The following PRR19 variants were observed in gnomAD, a reference collection of about 807,000 sequenced individuals.
The protein encoded by PRR19 is proline-rich protein 19.
Under a neutral mutation model 19.2 loss-of-function variants are expected in PRR19, and 9 were observed. That is an observed-to-expected ratio of 0.47 (90% CI 0.28 to 0.82). The LOEUF (loss-of-function observed/expected upper bound fraction) is 0.82. Among genes scored for constraint, PRR19 ranks in the 40% least tolerant of loss-of-function variants. The pLI is 0.11. For missense variants in PRR19, 457 were observed against 466.0 expected (o/e 0.98, Z 0.18); for synonymous variants, 190 against 191.0 (o/e 0.99, Z 0.04).
intron 1 of PRR19, chr19:42,307,073 G>A (rs2147396348): frequency 6.6e-6 from 1 of 152,358 alleles, no homozygotes; most frequent in South Asian, 2.1e-4. Context: ...GGGCGAGAGA[G>A]GTGCCCTTCC....
intron 1 of PRR19, among the ~76,000 whole-genome samples, chr19:42,305,209 AAAAAGAAAAGGAAAG>A (rs1393804244): frequency 1.3e-5 from 2 of 152,014 alleles, no homozygotes; most frequent in Non-Finnish European, 2.9e-5. Context: ...ATTCCATCTC[AAAAAGAAAAGGAAAG>A]AAAAGAAAAG....
At position 42,309,762 on chromosome 19, in the gene PRR19, A is replaced by G. The variant is rs2038762283; in HGVS notation, c.178A>G (p.Lys60Glu). The G allele has an allele frequency of 6.2e-7, 1 of 1,610,744 alleles. No individual in the cohort carries two copies. The highest frequency in any genetic ancestry group is 2.2e-5 in the East Asian group (1 of 44,758). Residue 60 changes from lysine to glutamate, a missense_variant, in exon 2 of 3, where the codon AAG becomes GAG. Coordinates refer to ENST00000341747, the MANE Select transcript of PRR19 (RefSeq NM_199285.3). ...RDPPVVPTAS[K>E]LVVITQGRLS... is the part of the protein sequence containing the mutation. ...TCCACCTGTGGTCCCTACTGCCTCC[A>G]AGCTCGTGGTCATAACCCAGGGCCG...
chr19:42,304,470 AG>A (rs1299177995), intron 1 of PRR19, among the ~76,000 whole-genome samples: 1 of 147,858 alleles, frequency 6.8e-6, no homozygotes, highest in Non-Finnish European at 1.5e-5. Context: ...AAAAAAAAAA[AG>A]GCTGGGCGCG....
At chr19:42,309,409 A>G (rs2038755820) in intron 1 of PRR19, 170 bp from the exon 2 acceptor site, 2 of 522,374 alleles carry the variant, frequency 3.8e-6, no homozygotes, top group Admixed American at 3.0e-5. Context: ...GCATTTTGCC[A>G]TGTTGGCTAG....
intron 1 of PRR19, 50 bp downstream of exon 1, chr19:42,302,553 GCTCGCCCGGCGCTT>G: frequency 2.2e-6 from 1 of 464,104 alleles, no homozygotes. Flanking sequence ...CGCACAGTGG[GCTCGCCCGGCGCTT>G]CCCGCTCGGG....
chr19:42,308,931 G>A (rs1302056307), intron 1 of PRR19: 1 of 152,516 alleles, frequency 6.6e-6, no homozygotes, highest in East Asian at 1.9e-4. Flanking sequence ...TTGTTTTTGA[G>A]ATGGAGTCTC....
At chr19:42,303,282 A>G (rs1294422162) in intron 1 of PRR19, among the ~76,000 whole-genome samples, 8 of 152,020 alleles carry the variant, frequency 5.3e-5, no homozygotes, top group African/African-American at 1.9e-4. Flanking sequence ...GAAATTAGAG[A>G]CGCCTCCAGG....
rs995073737 is a variant in PRR19 at position 42,302,141 on chromosome 19, A to G, written c.-369A>G. The stretch of plus-strand genomic sequence containing the variant: ...CTCCTCAACTGCCCTCAGTTTCCCA[A>G]TCAGGTAGTGAGAGTGGCACGAACC... On this transcript the variant is annotated 5_prime_UTR_variant, in exon 1 of 3. Coordinates refer to ENST00000341747, the MANE Select transcript of PRR19 (RefSeq NM_199285.3). 6.7e-6 allele frequency: 10 copies of G among 1,490,830 alleles called. No individual in the cohort carries two copies. The African/African-American group carries it at 1.1e-4, about 17-fold the overall frequency. The allele number at this position is 1,490,830 out of a possible 1,614,324, so 92.4% of individuals were successfully genotyped here.
chr19:42,310,408 A>G lies in PRR19; in HGVS notation c.739A>G (p.Met247Val), dbSNP rs969740644. ...CTTCCCCATGCCCTACACCTCCAGCATGCCCACTGCGCACAGGGGGAGTCT... is the reference window on the plus strand; with the variant it reads ...CTTCCCCATGCCCTACACCTCCAGCGTGCCCACTGCGCACAGGGGGAGTCT... ...FTFPMPYTSS[M>V]PTAHRGSLAP... Residue 247 changes from methionine to valine, a missense_variant, in exon 3 of 3, where the codon ATG (methionine) becomes GTG (valine). Coordinates refer to ENST00000341747, the MANE Select transcript of PRR19 (RefSeq NM_199285.3). 6 of 1,614,060 alleles carry G rather than the reference A, an allele frequency of 3.7e-6. No individual in the cohort carries two copies. The highest frequency in any genetic ancestry group is 5.1e-6 in the Non-Finnish European group (6 of 1,180,026).
chr19:42,308,520 T>C (rs2038742257), intron 1 of PRR19, among the ~76,000 whole-genome samples: 1 of 148,434 alleles, frequency 6.7e-6, no homozygotes, highest in South Asian at 2.2e-4. Context: ...TGCCTCAGCC[T>C]CCAGAGTAGC....
chr19:42,304,206 G>A (rs1358547689), intron 1 of PRR19, among the ~76,000 whole-genome samples: 2 of 152,090 alleles, frequency 1.3e-5, no homozygotes, highest in Non-Finnish European at 2.9e-5. Context: ...GCTTGAGTCT[G>A]GGAGGCAGAG....
chr19:42,302,281 T>C lies in PRR19; in HGVS notation c.-229T>C. The stretch of plus-strand genomic sequence containing the variant: ...CTGTACGTCCTGCACCGGCGTGGGC[T>C]TGCTGGCTGGGTTCTCCTCTCCACT... On this transcript the variant is annotated 5_prime_UTR_variant, in exon 1 of 3. Coordinates refer to ENST00000341747, the MANE Select transcript of PRR19 (RefSeq NM_199285.3). 6.2e-7 allele frequency: 1 copy of C among 1,607,248 alleles called. No individual in the cohort carries two copies. Among genetic ancestry groups the C allele is most frequent in the African/African-American group, 1.3e-5 (1 of 74,964 alleles).
intron 1 of PRR19, among the ~76,000 whole-genome samples, chr19:42,303,064 G>GT (rs2038664810): frequency 6.0e-5 from 8 of 133,964 alleles, no homozygotes; most frequent in Admixed American, 1.5e-4. Context: ...AAACACCGTG[G>GT]GTGTGTGTGT....
intron 1 of PRR19, among the ~76,000 whole-genome samples, chr19:42,303,930 A>G (rs1209156460): frequency 6.6e-6 from 1 of 152,098 alleles, no homozygotes; most frequent in East Asian, 1.9e-4. Flanking sequence ...AAGAAAAGAC[A>G]CAGGTAATCA....
chr19:42,309,251 T>C (rs2038753223), intron 1 of PRR19: 1 of 169,794 alleles, frequency 5.9e-6, no homozygotes, highest in South Asian at 1.9e-4. Flanking sequence ...TTTTTGTATT[T>C]TTAGTAGAGA....
chr19:42,307,747 CTT>C (rs759101368), intron 1 of PRR19, among the ~76,000 whole-genome samples: 10 of 83,634 alleles, frequency 1.2e-4, no homozygotes, highest in African/African-American at 4.4e-4. Context: ...CACCCTCCAT[CTT>C]TTTTTTTTTT....
chr19:42,309,771 G>T lies in PRR19; in HGVS notation c.187G>T (p.Val63Phe). 1 of 1,612,656 alleles carries T rather than the reference G, an allele frequency of 6.2e-7. No individual in the cohort carries two copies. Among genetic ancestry groups the T allele is most frequent in the South Asian group, 1.1e-5 (1 of 91,002 alleles). Residue 63 changes from valine to phenylalanine, a missense_variant, in exon 2 of 3, where the codon GTC (valine) becomes TTC (phenylalanine). Transcript: ENST00000341747. ...PVVPTASKLV[V>F]ITQGRLSREH... ...GGTCCCTACTGCCTCCAAGCTCGTG[G>T]TCATAACCCAGGGCCGGCTGAGCCG...
chr19:42,308,165 C>T (rs2038735825), intron 1 of PRR19, among the ~76,000 whole-genome samples: 1 of 152,088 alleles, frequency 6.6e-6, no homozygotes, highest in Non-Finnish European at 1.5e-5. Context: ...CATCTTACCC[C>T]TGTGATTCCT....
At position 42,310,774 on chromosome 19, in the gene PRR19, C is replaced by T; in HGVS notation, c.*34C>T. 1 of 1,384,700 alleles carries T rather than the reference C, an allele frequency of 7.2e-7. No homozygotes were observed. Among genetic ancestry groups the T allele is most frequent in the East Asian group, 2.3e-5 (1 of 43,236 alleles). 85.8% of individuals were successfully genotyped at this position (1,384,700 alleles called of 1,614,324 possible). On this transcript the variant is annotated 3_prime_UTR_variant, in exon 3 of 3. Coordinates refer to ENST00000341747, the MANE Select transcript of PRR19 (RefSeq NM_199285.3). Reference sequence around the variant, plus strand: ...TGAGGCTAGGGCTGGGGACAGATATCTTGTACTCCCAGTGACCTCAATAAA... The same window carrying T: ...TGAGGCTAGGGCTGGGGACAGATATTTTGTACTCCCAGTGACCTCAATAAA...
Sources: allele counts gnomAD v4.1 joint callset (sites outside exome capture counted in the v4.1 genomes callset), GRCh38; gene constraint gnomAD v4.1.1; transcripts MANE v1.5; gene names NCBI Gene and HGNC (gene_info 2026-07-23, HGNC 2026-07-21).